DOCK11: variants seen among roughly 807,000 people sequenced by gnomAD.
DOCK11 encodes dedicator of cytokinesis 11.
A neutral mutation model predicts 169.1 loss-of-function variants in DOCK11; 70 were observed. The ratio of observed to expected loss-of-function variants is 0.41; its 90% CI spans 0.34 to 0.51. The LOEUF (loss-of-function observed/expected upper bound fraction) is 0.51. Ranked by LOEUF, DOCK11 falls within the 20% of genes least tolerant of loss-of-function variation. The pLI is 0.10. For missense variants in DOCK11, 1,166 were observed against 1,538.8 expected (o/e 0.76, Z 4.05); for synonymous variants, 529 against 541.3 (o/e 0.98, Z 0.32).
intron 45 of DOCK11, among the ~76,000 whole-genome samples, chrX:118,666,508 T>A (rs905194048): frequency 1.8e-5 from 2 of 111,758 alleles, no homozygotes; most frequent in African/African-American, 6.5e-5. Context: ...TACCTTTTTT[T>A]AATCTGGCTT....
chrX:118,507,277 A>G (rs757991962), intron 1 of DOCK11, among the ~76,000 whole-genome samples: 28 of 112,441 alleles, frequency 2.5e-4, no homozygotes, highest in African/African-American at 9.0e-4. Context: ...TGAGAAGTCA[A>G]GTGTTGCTTC....
chrX:118,545,286 C>A, intron 4 of DOCK11, 37 bp from the exon 5 acceptor site: 2 of 948,615 alleles, frequency 2.1e-6, no homozygotes, highest in Non-Finnish European at 2.8e-6. Flanking sequence ...TTTTTTTGGT[C>A]TTTTTAGTGT....
intron 20 of DOCK11, 97 bp downstream of exon 20, chrX:118,593,434 C>A: frequency 1.1e-6 from 1 of 876,367 alleles, no homozygotes; most frequent in East Asian, 3.6e-5. Context: ...CACTTCTCCC[C>A]TTGACCAAAA....
At chrX:118,611,034 A>G (rs1603116678) in intron 28 of DOCK11, among the ~76,000 whole-genome samples, 1 of 111,709 alleles carries the variant, frequency 9.0e-6, no homozygotes, top group Admixed American at 9.5e-5. Context: ...GTAAGACTCC[A>G]TCTCAAAACA....
rs756988643 is a variant in DOCK11, at chrX:118,630,388, A to G, written c.3784A>G (p.Ser1262Gly). Reference sequence around the variant, plus strand: ...CATCCTGTCCTTACAGACCCGACAGAGTTCTACAAGGAGTAGTGTATCCCA... The same window carrying G: ...CATCCTGTCCTTACAGACCCGACAGGGTTCTACAAGGAGTAGTGTATCCCA... ...QGNTGENTRQ[S>G]STRSSVSQYN... Residue 1262 changes from serine to glycine, a missense_variant, in exon 35 of 53, where the codon AGT (serine) becomes GGT (glycine). Transcript: ENST00000276202. 7 of 1,197,000 alleles carry G rather than the reference A, an allele frequency of 5.8e-6. No homozygotes were observed. Among genetic ancestry groups the G allele is most frequent in the Non-Finnish European group, 7.9e-6 (7 of 885,260 alleles).
At chrX:118,578,939 A>G (rs2013540590) in intron 13 of DOCK11, among the ~76,000 whole-genome samples, 1 of 112,053 alleles carries the variant, frequency 8.9e-6, no homozygotes. Flanking sequence ...ACAGCCCTAC[A>G]TGAAGTGCTA....
At chrX:118,553,117 A>G (rs764374086) in intron 6 of DOCK11, among the ~76,000 whole-genome samples, 6 of 111,659 alleles carry the variant, frequency 5.4e-5, no homozygotes, top group Non-Finnish European at 1.1e-4. Context: ...AAGATGTCAT[A>G]GAGAATACAT....
chrX:118,510,651 A>C (rs2057645128), intron 1 of DOCK11, among the ~76,000 whole-genome samples: 1 of 111,105 alleles, frequency 9.0e-6, no homozygotes, highest in South Asian at 3.8e-4. Context: ...TAAAAGAGAA[A>C]GCGATGGTTG....
chrX:118,592,501 A>G (rs1331991708), intron 19 of DOCK11, among the ~76,000 whole-genome samples: 1 of 112,380 alleles, frequency 8.9e-6, no homozygotes, highest in African/African-American at 3.2e-5. Context: ...CAGAGAGAAT[A>G]TTTGCACGTG....
intron 40 of DOCK11, among the ~76,000 whole-genome samples, chrX:118,647,826 A>T (rs868756329): frequency 0.13 from 6,793 of 51,319 alleles, 478 homozygotes; most frequent in Middle Eastern, 0.15. Context: ...ATATTATTAT[A>T]ATATAATATT....
chrX:118,679,180 T>G (rs966973221), intron 48 of DOCK11, among the ~76,000 whole-genome samples: 2 of 111,637 alleles, frequency 1.8e-5, no homozygotes, highest in African/African-American at 6.5e-5. Flanking sequence ...CCTCCTGTCT[T>G]GGCCTCCCAA....
rs2015154389 is a variant in DOCK11 at position 118,628,203 on chromosome X, A to G, written c.3705A>G (p.Glu1235=). The change falls in exon 34 of 53, where the codon GAA becomes GAG. Residue 1235 remains glutamate, a synonymous_variant. Coordinates refer to ENST00000276202, the MANE Select transcript of DOCK11 (RefSeq NM_144658.4). ...SFQNGHGIKR[E]DSRGSLIPEG... is the part of the protein sequence containing the mutation. ...AAAATGGACATGGAATTAAGAGAGA[A>G]GATTCAAGAGGTTCCCTCATCCCAG... 9.9e-6 allele frequency: 12 copies of G among 1,208,185 alleles called. No homozygotes were observed. Among genetic ancestry groups the G allele is most frequent in the Non-Finnish European group, 1.3e-5 (12 of 892,929 alleles).
intron 40 of DOCK11, among the ~76,000 whole-genome samples, chrX:118,648,581 AAATATATAATATATATAATATATT>A (rs1172576974): frequency 2.2e-5 from 2 of 91,610 alleles, no homozygotes; most frequent in African/African-American, 4.0e-5. Context: ...ACATATATAT[AAATATATAATATATATAATATATT>A]AATATATAAT....
intron 14 of DOCK11, among the ~76,000 whole-genome samples, chrX:118,582,865 A>T (rs1419627555): frequency 8.9e-6 from 1 of 112,156 alleles, no homozygotes; most frequent in Non-Finnish European, 1.9e-5. Context: ...TGTGGAAGAC[A>T]ATGTCACGAT....
intron 40 of DOCK11, among the ~76,000 whole-genome samples, chrX:118,647,743 ATATATAATAATATATAATATAT>A: frequency 1.9e-5 from 1 of 51,515 alleles, no homozygotes; most frequent in African/African-American, 9.0e-5. Flanking sequence ...ATATAATATA[ATATATAATAATATATAATATAT>A]TATAATATAT....
Position 118,621,431 on chromosome X carries a change from T to C in DOCK11, c.3471+2703T>C, listed in dbSNP as rs1211563124. ...GAGGGAGCCTTAAGCCCTCATATTT[T>C]CCATCAGTTCTCTAAAGGGACCCCA... On this transcript the variant is annotated intron_variant, in intron 31 of 52. Transcript: ENST00000276202. 5.4e-5 allele frequency among the ~76,000 whole-genome samples: 6 copies of C among 111,228 alleles called. No individual in the cohort carries two copies. In the East Asian group the frequency reaches 1.7e-3, roughly 31 times the overall value.
At chrX:118,634,697 C>T (rs1266801581) in intron 35 of DOCK11, among the ~76,000 whole-genome samples, 1 of 112,270 alleles carries the variant, frequency 8.9e-6, no homozygotes, top group Non-Finnish European at 1.9e-5. Context: ...TAGGCGAAAG[C>T]GGAAGTCACT....
rs760406795 is a variant in DOCK11 at position 118,534,985 on chromosome X, G to A, written c.103-7740G>A. 8.0e-5 allele frequency among the ~76,000 whole-genome samples: 9 copies of A among 111,859 alleles called. No individual in the cohort carries two copies. The East Asian group carries it at 2.2e-3, about 28-fold the overall frequency. ...ACTGATGACAAATGCTAAATTGGAA[G>A]CAACAGCTTAGGAATGCAAAGATCC... On this transcript the variant is annotated intron_variant, in intron 1 of 52. Coordinates refer to ENST00000276202, the MANE Select transcript of DOCK11 (RefSeq NM_144658.4).
At chrX:118,667,954 T>C (rs773324375) in intron 45 of DOCK11, among the ~76,000 whole-genome samples, 76 of 112,446 alleles carry the variant, frequency 6.8e-4, no homozygotes, top group African/African-American at 2.3e-3. Flanking sequence ...TATAGAAATA[T>C]AATTGATTTT....
Sources: gnomAD v4.1 joint callset for allele counts (sites outside exome capture counted in the v4.1 genomes callset) on GRCh38, gnomAD v4.1.1 for gene constraint, MANE v1.5 for transcripts, NCBI Gene and HGNC (gene_info 2026-07-23, HGNC 2026-07-21) for gene names.